The following TNIP1 variants were observed in gnomAD, a reference collection of about 807,000 sequenced individuals.
The protein encoded by TNIP1 is TNFAIP3-interacting protein 1.
TNIP1 carries 22 observed loss-of-function variants against 86.6 expected under a neutral mutation model. That is an observed-to-expected ratio of 0.25 (90% CI 0.18 to 0.36). The LOEUF (loss-of-function observed/expected upper bound fraction) is 0.36, where lower values mean the gene tolerates loss of function less well. TNIP1 is among the 10% of genes least tolerant of loss of function. TNIP1 has a pLI of 1.00. For missense variants in TNIP1, 709 were observed against 820.6 expected (o/e 0.86, Z 1.66); for synonymous variants, 294 against 313.0 (o/e 0.94, Z 0.64).
intron 4 of TNIP1, among the ~76,000 whole-genome samples, chr5:151,061,184 G>T (rs1761518864): frequency 6.6e-6 from 1 of 152,102 alleles, no homozygotes; most frequent in Admixed American, 6.5e-5. Flanking sequence ...CTGGGATCTG[G>T]GATTTCCATG....
Position 151,064,245 on chromosome 5 carries a change from G to A in TNIP1, c.137-498C>T, listed in dbSNP as rs535284766. Among the ~76,000 whole-genome samples, 4 of 152,322 alleles carry A rather than the reference G, an allele frequency of 2.6e-5. No individual in the cohort carries two copies. The East Asian group carries it at 7.7e-4, about 29-fold the overall frequency. ...CTCCCTCCCCAGTCGGCCATCCCAAGCAAGGATCTGCCAAGCAAGGAGAAA... is the reference window on the plus strand; with the variant it reads ...CTCCCTCCCCAGTCGGCCATCCCAAACAAGGATCTGCCAAGCAAGGAGAAA... On this transcript the variant is annotated intron_variant, in intron 2 of 17. Transcript: ENST00000521591.
At chr5:151,036,654 G>C (rs1163052759) in intron 13 of TNIP1, 136 bp downstream of exon 13, 3 of 1,333,634 alleles carry the variant, frequency 2.2e-6, no homozygotes, top group Non-Finnish European at 3.1e-6. Context: ...CCTAGAGCCA[G>C]TGGGGGGCCC....
intron 10 of TNIP1, 111 bp downstream of exon 10, chr5:151,042,785 G>A (rs1021306472): frequency 6.3e-7 from 1 of 1,594,522 alleles, no homozygotes; most frequent in African/African-American, 1.3e-5. Context: ...CTTCTCCTCT[G>A]GGCCATACTG....
At chr5:151,059,772 CGAGAGACAGAGAGA>C (rs1761148558) in intron 5 of TNIP1, among the ~76,000 whole-genome samples, 2 of 67,508 alleles carry the variant, frequency 3.0e-5, no homozygotes, top group African/African-American at 1.1e-4. Flanking sequence ...CAGAGCTGTA[CGAGAGACAGAGAGA>C]GAGAGAGAGA....
At chr5:151,032,538 T>C (rs1933957171) in intron 16 of TNIP1, 155 bp from the exon 17 acceptor site, 1 of 749,126 alleles carries the variant, frequency 1.3e-6, no homozygotes, top group Admixed American at 2.5e-5. Flanking sequence ...GTAAGGAATC[T>C]GAGGCTCAGA....
At chr5:151,061,622 C>G (rs1650469188) in intron 4 of TNIP1, among the ~76,000 whole-genome samples, 1 of 152,136 alleles carries the variant, frequency 6.6e-6, no homozygotes, top group African/African-American at 2.4e-5. Flanking sequence ...GCTGGAACCA[C>G]AGACATACAC....
At chr5:151,035,912 C>G (rs1757638360) in intron 13 of TNIP1, among the ~76,000 whole-genome samples, 2 of 152,156 alleles carry the variant, frequency 1.3e-5, no homozygotes, top group Non-Finnish European at 2.9e-5. Flanking sequence ...TTCTGGGCTT[C>G]AAGCTAGGAC....
chr5:151,035,130 C>T (rs1276307282), intron 14 of TNIP1, 63 bp from the exon 15 acceptor site: 17 of 1,565,042 alleles, frequency 1.1e-5, no homozygotes, highest in Non-Finnish European at 1.4e-5. Flanking sequence ...AGGCCTGGAT[C>T]CAGGGCCTAA....
chr5:151,051,806 A>C (rs953008793), intron 7 of TNIP1, among the ~76,000 whole-genome samples: 1 of 152,168 alleles, frequency 6.6e-6, no homozygotes, highest in African/African-American at 2.4e-5. Flanking sequence ...GTTCTCAGGA[A>C]GACAGAGCAG....
intron 1 of TNIP1, 66 bp from the exon 2 acceptor site, chr5:151,065,197 C>G: frequency 7.1e-7 from 1 of 1,417,004 alleles, no homozygotes; most frequent in Non-Finnish European, 9.6e-7. Flanking sequence ...TGCAGAGAAG[C>G]TCTAGTCTGT....
chr5:151,069,090 G>A (rs1477895820), intron 1 of TNIP1, among the ~76,000 whole-genome samples: 1 of 152,236 alleles, frequency 6.6e-6, no homozygotes, highest in Non-Finnish European at 1.5e-5. Flanking sequence ...CACAGACCGT[G>A]AAGATGGAAG....
upstream of TNIP1, among the ~76,000 whole-genome samples, chr5:151,082,816 C>T (rs1479259324): frequency 6.6e-6 from 1 of 152,138 alleles, no homozygotes; most frequent in African/African-American, 2.4e-5. Flanking sequence ...TGTGAGAAAA[C>T]TCATTTATTT....
chr5:151,060,421 G>T (rs771650559), intron 4 of TNIP1, 26 bp from the exon 5 acceptor site: 2 of 1,612,188 alleles, frequency 1.2e-6, no homozygotes, highest in South Asian at 2.2e-5. Context: ...GTTAGGTGCT[G>T]CCCGAGAGAA....
At chr5:151,048,406 T>TC (rs869194470) in intron 8 of TNIP1, among the ~76,000 whole-genome samples, 10 of 6,342 alleles carry the variant, frequency 1.6e-3, no homozygotes, top group African/African-American at 2.0e-3. Flanking sequence ...ACTATCTTCA[T>TC]TTTACAGAGG....
intron 16 of TNIP1, 97 bp from the exon 17 acceptor site, chr5:151,032,480 T>C (rs1757034343): frequency 8.2e-7 from 1 of 1,212,736 alleles, no homozygotes; most frequent in South Asian, 1.3e-5. Context: ...ATTAGTCAAG[T>C]ATAATTGAAT....
chr5:151,057,454 G>A (rs1275203062), intron 5 of TNIP1, among the ~76,000 whole-genome samples: 1 of 152,204 alleles, frequency 6.6e-6, no homozygotes, highest in Non-Finnish European at 1.5e-5. Context: ...GGCCGGGCGC[G>A]ATGGCTCACG....
chr5:151,031,251 C>A (rs542830164), intron 17 of TNIP1, among the ~76,000 whole-genome samples: 30 of 152,322 alleles, frequency 2.0e-4, no homozygotes, highest in African/African-American at 6.3e-4. Flanking sequence ...CCTCTACTCA[C>A]ACACCTGCAA....
chr5:151,064,906 C>A, intron 2 of TNIP1, 54 bp downstream of exon 2: 1 of 1,610,442 alleles, frequency 6.2e-7, no homozygotes, highest in Non-Finnish European at 8.5e-7. Flanking sequence ...GAGGGACTGG[C>A]ATCACAGTCT....
At chr5:151,062,466 T>C (rs963459532) in intron 3 of TNIP1, among the ~76,000 whole-genome samples, 2 of 152,228 alleles carry the variant, frequency 1.3e-5, no homozygotes, top group Non-Finnish European at 2.9e-5. Flanking sequence ...CTGCTGCTCC[T>C]TGCTGCCCTG....
Sources: allele counts gnomAD v4.1 joint callset (sites outside exome capture counted in the v4.1 genomes callset), GRCh38; gene constraint gnomAD v4.1.1; transcripts MANE v1.5; gene names NCBI Gene and HGNC (gene_info 2026-07-23, HGNC 2026-07-21).